The following WWOX variants were observed in gnomAD, a reference collection of about 807,000 sequenced individuals.
WWOX encodes the protein WW domain-containing oxidoreductase.
WWOX carries 69 observed loss-of-function variants against 46.2 expected under a neutral mutation model. That is an observed-to-expected ratio of 1.49 (90% confidence interval 1.23 to 1.82). The LOEUF is 1.82. Ranked by LOEUF, WWOX falls within the 40% of genes most tolerant of loss-of-function variation. The pLI, the probability that WWOX is intolerant of heterozygous loss-of-function variation, is 0.00. For synonymous variants in WWOX, 359 were observed against 202.6 expected, an observed-to-expected ratio of 1.77 and a Z score of -6.56; for missense variants, 919 against 542.6, an observed-to-expected ratio of 1.69 and a Z score of -6.89.
chr16:78,963,387 G>A (rs1351827279), intron 8 of WWOX, among the ~76,000 whole-genome samples: 1 of 152,144 alleles, frequency 6.6e-6, no homozygotes, highest in Non-Finnish European at 1.5e-5. Flanking sequence ...GAGAATTGCT[G>A]GAGTACAGGA....
At chr16:78,567,037 T>G (rs1193293050) in intron 8 of WWOX, among the ~76,000 whole-genome samples, 2 of 151,934 alleles carry the variant, frequency 1.3e-5, no homozygotes, top group Non-Finnish European at 2.9e-5. Flanking sequence ...AAGTCATACA[T>G]TCATTATTTG....
intron 8 of WWOX, among the ~76,000 whole-genome samples, chr16:78,547,980 C>T (rs768811523): frequency 2.0e-5 from 3 of 151,760 alleles, no homozygotes; most frequent in East Asian, 3.9e-4. Context: ...GGTGAAACCC[C>T]GTCTTTTCTA....
intron 8 of WWOX, among the ~76,000 whole-genome samples, chr16:78,717,495 A>G (rs939507497): frequency 3.9e-5 from 6 of 152,204 alleles, no homozygotes; most frequent in African/African-American, 1.4e-4. Flanking sequence ...ACAAATGTGT[A>G]TTAAGTATAT....
chr16:78,752,528 C>A (rs1373709399), intron 8 of WWOX, among the ~76,000 whole-genome samples: 2 of 152,144 alleles, frequency 1.3e-5, no homozygotes, highest in Non-Finnish European at 2.9e-5. Flanking sequence ...CCTCAGGCTT[C>A]CCAAAGTGCT....
chr16:78,368,462 G>T (rs186070171), intron 5 of WWOX, among the ~76,000 whole-genome samples: 1 of 152,134 alleles, frequency 6.6e-6, no homozygotes, highest in Non-Finnish European at 1.5e-5. Flanking sequence ...ATGTAGTAAG[G>T]CCTCTTTTCA....
intron 5 of WWOX, among the ~76,000 whole-genome samples, chr16:78,238,780 C>T (rs111324041): frequency 1.3e-4 from 20 of 151,976 alleles, no homozygotes; most frequent in African/African-American, 3.9e-4. Context: ...CCACCACACC[C>T]GGCTAATTTT....
chr16:79,195,079 A>G (rs1010258137), intron 8 of WWOX, among the ~76,000 whole-genome samples: 36 of 152,280 alleles, frequency 2.4e-4, no homozygotes, highest in African/African-American at 8.2e-4. Context: ...GGATGGCTAA[A>G]GTGTGAGCAT....
chr16:78,417,629 G>A (rs76806766), intron 6 of WWOX, among the ~76,000 whole-genome samples: 7 of 152,014 alleles, frequency 4.6e-5, no homozygotes, highest in Admixed American at 1.3e-4. Flanking sequence ...CCTCTTCCCC[G>A]CAAGGTTTTT....
intron 8 of WWOX, among the ~76,000 whole-genome samples, chr16:78,713,953 T>C (rs901743545): frequency 3.9e-5 from 6 of 152,128 alleles, no homozygotes; most frequent in African/African-American, 1.4e-4. Flanking sequence ...TAGTCCTGGC[T>C]CTGTCTCCAA....
At chr16:78,168,759 G>C (rs1432717710) in intron 5 of WWOX, among the ~76,000 whole-genome samples, 2 of 152,056 alleles carry the variant, frequency 1.3e-5, no homozygotes, top group African/African-American at 4.8e-5. Context: ...CCTTTATAGA[G>C]CTCTCAAATT....
chr16:79,204,450 G>A (rs1207253229), intron 8 of WWOX: 1 of 151,998 alleles, frequency 6.6e-6, no homozygotes, highest in African/African-American at 2.4e-5. Flanking sequence ...GCATGTCTAG[G>A]GTCTCACAAT....
intron 5 of WWOX, among the ~76,000 whole-genome samples, chr16:78,211,245 A>T (rs1285192300): frequency 6.6e-6 from 1 of 152,192 alleles, no homozygotes; most frequent in East Asian, 1.9e-4. Flanking sequence ...CAAGAAGGCG[A>T]TGGTAGAACC....
chr16:79,012,302 G>C (rs368577270), intron 8 of WWOX, among the ~76,000 whole-genome samples: 2 of 151,798 alleles, frequency 1.3e-5, no homozygotes, highest in African/African-American at 4.8e-5. Context: ...GTGCAATCTC[G>C]ACTCACTGCA....
At chr16:78,288,895 AATC>A (rs2079814037) in intron 5 of WWOX, among the ~76,000 whole-genome samples, 1 of 152,158 alleles carries the variant, frequency 6.6e-6, no homozygotes, top group African/African-American at 2.4e-5. Flanking sequence ...AAGAAGAAAA[AATC>A]ATCCTGGGGG....
chr16:78,311,129 A>G (rs1349840112), intron 5 of WWOX, among the ~76,000 whole-genome samples: 1 of 152,150 alleles, frequency 6.6e-6, no homozygotes, highest in Non-Finnish European at 1.5e-5. Flanking sequence ...TGGGTTAAAG[A>G]AAAAGAAAGG....
chr16:78,526,643 C>G (rs1002919879), intron 8 of WWOX: 21 of 152,300 alleles, frequency 1.4e-4, no homozygotes, highest in African/African-American at 3.6e-4. Flanking sequence ...GCTTTTCTCT[C>G]AGTCACCAGC....
Position 78,894,839 on chromosome 16 carries a change from A to G in WWOX, c.1057-316769A>G, listed in dbSNP as rs531244764. Among the ~76,000 whole-genome samples, 32 of 152,312 alleles carry G rather than the reference A, an allele frequency of 2.1e-4. No individual in the cohort carries two copies. In the South Asian group the frequency reaches 6.4e-3, roughly 31 times the overall value. On this transcript the variant is annotated intron_variant, in intron 8 of 8. Coordinates refer to ENST00000566780, the MANE Select transcript of WWOX (RefSeq NM_016373.4). ...GGCTTCAGTTTTCCACAATGCGGCTATTATGAGAAAAACAGTGACTAACTG... is the reference window on the plus strand; with the variant it reads ...GGCTTCAGTTTTCCACAATGCGGCTGTTATGAGAAAAACAGTGACTAACTG...
intron 8 of WWOX, among the ~76,000 whole-genome samples, chr16:79,068,406 A>G (rs1321520190): frequency 1.3e-5 from 2 of 151,988 alleles, no homozygotes; most frequent in Non-Finnish European, 2.9e-5. Flanking sequence ...CGTGTTCCTG[A>G]GAGTAGCTCT....
intron 5 of WWOX, among the ~76,000 whole-genome samples, chr16:78,202,191 T>C (rs1465578258): frequency 6.6e-6 from 1 of 152,212 alleles, no homozygotes; most frequent in South Asian, 2.1e-4. Context: ...CAGTAATGTC[T>C]TGGGGACAGT....
Sources: gnomAD v4.1 joint callset for allele counts (sites outside exome capture counted in the v4.1 genomes callset) on GRCh38, gnomAD v4.1.1 for gene constraint, MANE v1.5 for transcripts, NCBI Gene and HGNC (gene_info 2026-07-23, HGNC 2026-07-21) for gene names.